Variants in CCZ1 observed in about 807,000 individuals in gnomAD.
CCZ1 encodes CCZ1 vacuolar protein trafficking and biogenesis associated.
A neutral mutation model predicts 57.8 loss-of-function variants in CCZ1; 19 were observed. The ratio of observed to expected loss-of-function variants is 0.33; its 90% CI spans 0.23 to 0.48. The LOEUF is 0.48. CCZ1 is among the 20% of genes least tolerant of loss of function. The pLI, the probability that CCZ1 is intolerant of heterozygous loss-of-function variation, is 0.99. For missense variants in CCZ1, 200 were observed against 492.0 expected (o/e 0.41, Z 5.61); for synonymous variants, 81 against 167.0 (o/e 0.49, Z 3.97).
chr7:5,905,565 C>A (rs564596223), intron 7 of CCZ1, among the ~76,000 whole-genome samples: 4 of 145,008 alleles, frequency 2.8e-5, no homozygotes, highest in East Asian at 4.7e-4. Flanking sequence ...GGGTGAATCA[C>A]GAGGTCAGGA....
At chr7:5,923,076 T>G (rs1431700016) in intron 12 of CCZ1, among the ~76,000 whole-genome samples, 1 of 122,256 alleles carries the variant, frequency 8.2e-6, no homozygotes, top group African/African-American at 3.5e-5. Flanking sequence ...CCCTGCACTT[T>G]GGGAGGCCAA....
chr7:5,910,454 G>A (rs1489015184), intron 8 of CCZ1, among the ~76,000 whole-genome samples: 1 of 148,806 alleles, frequency 6.7e-6, no homozygotes, highest in Non-Finnish European at 1.5e-5. Flanking sequence ...GGCCTCCCAA[G>A]TACCTGGGAT....
chr7:5,913,056 A>G (rs561055922), intron 10 of CCZ1, 102 bp downstream of exon 10: 17 of 987,424 alleles, frequency 1.7e-5, no homozygotes, highest in Admixed American at 2.9e-5. Flanking sequence ...GTTTCTTGGA[A>G]AAGATATTGG....
In CCZ1 at chr7:5,902,761, T is replaced by G. The variant is rs1455112383; in HGVS notation, c.522+17T>G. On this transcript the variant is annotated intron_variant, in intron 6 of 14. Transcript: ENST00000325974. ...TTCCATCGGGTAAGTATTTTGAATT[T>G]CATTTATAACTTTAGTAAGCATTCA... 1.3e-6 allele frequency: 2 copies of G among 1,588,846 alleles called. No individual in the cohort carries two copies. The highest frequency in any genetic ancestry group is 2.7e-5 in the African/African-American group (2 of 72,940).
At chr7:5,924,428 CAG>C (rs1779316365) in intron 14 of CCZ1, among the ~76,000 whole-genome samples, 2 of 93,638 alleles carry the variant, frequency 2.1e-5, no homozygotes, top group African/African-American at 8.0e-5. Flanking sequence ...TTTTTTGAAA[CAG>C]AGTCTTGCTC....
chr7:5,906,637 A>C (rs1781833396), intron 7 of CCZ1, among the ~76,000 whole-genome samples: 1 of 148,964 alleles, frequency 6.7e-6, no homozygotes, highest in Admixed American at 6.6e-5. Flanking sequence ...CCAGTTTCTT[A>C]ATTAGGGGTG....
In CCZ1 at chr7:5,903,204, T is replaced by C. The variant is rs775274530; in HGVS notation, c.522+460T>C. ...TTGACAGACTTTGTCAGATTAGCGA[T>C]TGGGGAGATTTGTTCCAAGTGCTGT... On this transcript the variant is annotated intron_variant, in intron 6 of 14. Transcript: ENST00000325974. Among the ~76,000 whole-genome samples, 5 of 148,308 alleles carry C rather than the reference T, an allele frequency of 3.4e-5. 1 individual carries two copies. The highest frequency in any genetic ancestry group is 6.7e-5 in the Admixed American group (1 of 14,976).
intron 7 of CCZ1, among the ~76,000 whole-genome samples, chr7:5,909,252 A>G (rs1213002764): frequency 1.3e-5 from 2 of 149,512 alleles, no homozygotes; most frequent in African/African-American, 5.0e-5. Context: ...GAGCCTCTTG[A>G]TATAATGTTA....
rs200686323 is a variant in CCZ1, at chr7:5,901,649, G to T, written c.391-8G>T. On this transcript the variant is annotated splice_region_variant and splice_polypyrimidine_tract_variant and intron_variant, in intron 4 of 14. Coordinates refer to ENST00000325974, the MANE Select transcript of CCZ1 (RefSeq NM_015622.6). ...ACTGAGCTGTGTGCTGTGTTTTCGC[G>T]TCTGCAGGACAAGGTTTATAGCTCG... 3.8e-6 allele frequency: 6 copies of T among 1,595,122 alleles called. No individual in the cohort carries two copies. The African/African-American group carries it at 6.9e-5, about 18-fold the overall frequency.
At position 5,916,691 on chromosome 7, in the gene CCZ1, T is replaced by G. The variant is rs146625100; in HGVS notation, c.955-2176T>G. On this transcript the variant is annotated intron_variant, in intron 10 of 14. Transcript: ENST00000325974. ...CACCTGAGCCTCGAGATCCAGAGAT[T>G]TGATTGGGGGTTGGCCACAGAGACA... 5.7e-4 allele frequency among the ~76,000 whole-genome samples: 82 copies of G among 142,926 alleles called. 1 individual carries two copies. Among genetic ancestry groups the G allele is most frequent in the African/African-American group, 1.5e-3 (54 of 37,138 alleles). 93.8% of individuals were successfully genotyped at this position (142,926 alleles called of 152,430 possible).
chr7:5,905,180 T>C lies in CCZ1; in HGVS notation c.609T>C (p.Tyr203=), dbSNP rs531573292. The change falls in exon 7 of 15, where the codon TAT becomes TAC. Residue 203 remains tyrosine, a synonymous_variant. Coordinates refer to ENST00000325974, the MANE Select transcript of CCZ1 (RefSeq NM_015622.6). ...TCTTCCCGTTGGATAAAATGACTTA[T>C]TTGAAAATCCAGTCCTTTATTAATA... ...ISFFPLDKMT[Y]LKIQSFINRM... is the part of the protein sequence containing the mutation. 1.8e-4 allele frequency: 284 copies of C among 1,574,794 alleles called. 26 individuals are homozygous for C. In the South Asian group the frequency reaches 3.1e-3, roughly 17 times the overall value.
intron 1 of CCZ1, among the ~76,000 whole-genome samples, chr7:5,899,307 G>T (rs1781621652): frequency 7.3e-6 from 1 of 136,524 alleles, no homozygotes; most frequent in Non-Finnish European, 1.6e-5. Flanking sequence ...TCGCCCAAAT[G>T]AGGAAATAAA....
intron 8 of CCZ1, among the ~76,000 whole-genome samples, chr7:5,910,704 T>TA (rs1170138229): frequency 4.7e-5 from 2 of 42,828 alleles, no homozygotes; most frequent in Non-Finnish European, 8.3e-5. Flanking sequence ...TTATGTATTT[T>TA]ATTTTATTTA....
At chr7:5,919,988 C>T in intron 12 of CCZ1, 22 bp downstream of exon 12, 2 of 1,557,644 alleles carry the variant, frequency 1.3e-6, no homozygotes, top group South Asian at 1.1e-5. Context: ...GCTTTCGGTT[C>T]ACTTTCAGGC....
Position 5,926,105 on chromosome 7 carries a change from CCTCAGCCTCCCAA to C in CCZ1, c.*419_*431del, listed in dbSNP as rs1325895018. On this transcript the variant is annotated 3_prime_UTR_variant, in exon 15 of 15. Transcript: ENST00000325974. ...CTCCTGAGCTCAAGCAATCCTCCCA[CCTCAGCCTCCCAA>C]GAAGCTAGAACCACATGTACACACC... is the stretch of plus-strand genomic sequence containing the variant. The C allele has an allele frequency of 2.8e-6, 1 of 356,268 alleles. No individual in the cohort carries two copies. The highest frequency in any genetic ancestry group is 5.4e-6 in the Non-Finnish European group (1 of 185,484). 22.1% of individuals were successfully genotyped at this position (356,268 alleles called of 1,614,324 possible). A position where few individuals can be genotyped will look rare whatever the true frequency, so the allele number is the denominator to read the frequency against.
Position 5,900,543 on chromosome 7 carries a change from G to A in CCZ1, c.289G>A (p.Glu97Lys), listed in dbSNP as rs1217643141. ...QKNRQFFNEPEENFWMVMVVR... is the reference protein window; with the variant it reads ...QKNRQFFNEPKENFWMVMVVR... ...GAACAGACAGTTCTTCAATGAACCA[G>A]AAGAAAATTTCTGGATGGTCATGGT... is the stretch of plus-strand genomic sequence containing the variant. The change falls in exon 3 of 15, where the codon GAA becomes AAA. Residue 97 changes from glutamate to lysine, a missense_variant. Transcript: ENST00000325974. 1.2e-6 allele frequency: 2 copies of A among 1,602,230 alleles called. No homozygotes were observed. Among genetic ancestry groups the A allele is most frequent in the East Asian group, 4.7e-5 (2 of 42,794 alleles).
At chr7:5,922,883 A>G (rs1225777561) in intron 12 of CCZ1, among the ~76,000 whole-genome samples, 49 of 150,064 alleles carry the variant, frequency 3.3e-4, no homozygotes, top group African/African-American at 1.2e-3. Context: ...ACGGTAAAGG[A>G]CCCAATAATA....
At chr7:5,912,304 G>A (rs1453034609) in intron 9 of CCZ1, among the ~76,000 whole-genome samples, 3 of 133,402 alleles carry the variant, frequency 2.2e-5, no homozygotes, top group Non-Finnish European at 4.7e-5. Context: ...ATATCTTTGT[G>A]CCATCTGATT....
chr7:5,898,992 A>C (rs1781612834), intron 1 of CCZ1, 73 bp downstream of exon 1: 2 of 315,820 alleles, frequency 6.3e-6, no homozygotes, highest in African/African-American at 4.7e-5. Context: ...GGTTCTGCCC[A>C]CCTCGAGGGG....
Sources: allele counts gnomAD v4.1 joint callset (sites outside exome capture counted in the v4.1 genomes callset), GRCh38; gene constraint gnomAD v4.1.1; transcripts MANE v1.5; gene names NCBI Gene and HGNC (gene_info 2026-07-23, HGNC 2026-07-21).